The following PADI4 variants were observed in gnomAD, a reference collection of about 807,000 sequenced individuals.
The protein encoded by PADI4 is protein-arginine deiminase type-4.
A neutral mutation model predicts 75.0 loss-of-function variants in PADI4; 62 were observed. The observed-to-expected ratio is 0.83, with a 90% CI of 0.67 to 1.02. The LOEUF is 1.02. PADI4 is among the 50% of genes least tolerant of loss of function. The probability of loss-of-function intolerance (pLI) is 0.00; values close to 1 mark genes in which losing one functional copy is unlikely to be tolerated. For synonymous variants in PADI4, 361 were observed against 348.1 expected (o/e 1.04, Z -0.41); for missense variants, 845 against 850.5 (o/e 0.99, Z 0.08).
chr1:17,355,919 G>T, intron 11 of PADI4, 64 bp from the exon 12 acceptor site: 3 of 1,588,698 alleles, frequency 1.9e-6, no homozygotes, highest in Non-Finnish European at 2.6e-6. Context: ...CAAGCCCCTT[G>T]TCCTTCAGGG....
At chr1:17,333,182 G>A (rs1316196597) in intron 2 of PADI4, among the ~76,000 whole-genome samples, 4 of 152,144 alleles carry the variant, frequency 2.6e-5, no homozygotes, top group Non-Finnish European at 4.4e-5. Context: ...TGGGTGGGAG[G>A]CAGGGAGACC....
In PADI4 at chr1:17,363,753, T is replaced by G. The variant is rs2074881551; in HGVS notation, c.1990T>G (p.Ter664GlyextTer27). 1 of 1,606,104 alleles carries G rather than the reference T, an allele frequency of 6.2e-7. No homozygotes were observed. The highest frequency in any genetic ancestry group is 1.1e-5 in the South Asian group (1 of 90,952). ...FSFKWWNMVP* is the reference protein window; with the variant it reads ...FSFKWWNMVPG ...CTTCAAGTGGTGGAACATGGTGCCC[T>G]GAGCCCATCTTCCCTGGCGTCCTCT... The change falls in exon 16 of 16, where the codon TGA (stop) becomes GGA (glycine). Residue 664 changes from the stop codon to glycine, a stop_lost. Transcript: ENST00000375448.
chr1:17,323,859 C>A (rs74601829), intron 1 of PADI4, among the ~76,000 whole-genome samples: 3,705 of 148,842 alleles, frequency 0.025, 105 homozygotes, highest in African/African-American at 0.068. Flanking sequence ...ACAACAACAA[C>A]AAAAAAAACA....
In PADI4 at chr1:17,328,917, T is replaced by C. The variant is rs144737640; in HGVS notation, c.93-2052T>C. Among the ~76,000 whole-genome samples the C allele has an allele frequency of 3.1e-3, 464 of 151,516 alleles. 3 individuals are homozygous for C. The highest frequency in any genetic ancestry group is 0.011 in the African/African-American group (444 of 41,450). On this transcript the variant is annotated intron_variant, in intron 1 of 15. Coordinates refer to ENST00000375448, the MANE Select transcript of PADI4 (RefSeq NM_012387.3). ...GATACCTCCATCCTAAACTACGCCT[T>C]CAGAAATTGCCTTGGTGAAAATCTG... is the stretch of plus-strand genomic sequence containing the variant.
intron 1 of PADI4, among the ~76,000 whole-genome samples, chr1:17,313,717 G>T (rs1035747292): frequency 2.0e-5 from 3 of 152,046 alleles, no homozygotes; most frequent in African/African-American, 7.2e-5. Context: ...CACCCTCATG[G>T]GGGTGGTTGA....
chr1:17,340,740 G>A (rs1436900064), intron 6 of PADI4, among the ~76,000 whole-genome samples: 2 of 151,298 alleles, frequency 1.3e-5, no homozygotes, highest in African/African-American at 2.4e-5. Flanking sequence ...TTTTTTGCAT[G>A]GGCCTGACAA....
At position 17,336,229 on chromosome 1, in the gene PADI4, A is replaced by G; in HGVS notation, c.408+3A>G. 1 of 1,611,982 alleles carries G rather than the reference A, an allele frequency of 6.2e-7. No individual in the cohort carries two copies. On this transcript the variant is annotated splice_donor_region_variant and intron_variant, in intron 4 of 15. Coordinates refer to ENST00000375448, the MANE Select transcript of PADI4 (RefSeq NM_012387.3). ...CAACCAGAGCTGTGAAAGATCAGGT[A>G]CCACTCACCCAAACGCTCCTTTCCT...
intron 1 of PADI4, among the ~76,000 whole-genome samples, chr1:17,328,555 G>A (rs1378249225): frequency 2.0e-5 from 3 of 151,978 alleles, no homozygotes; most frequent in Admixed American, 6.6e-5. Flanking sequence ...GCTGAGACAT[G>A]AGGATCACTT....
At chr1:17,332,383 A>G (rs1314345337) in intron 2 of PADI4, among the ~76,000 whole-genome samples, 5 of 152,130 alleles carry the variant, frequency 3.3e-5, no homozygotes, top group Non-Finnish European at 7.4e-5. Flanking sequence ...AGTAGCTGGG[A>G]GTACAGGCAC....
Position 17,340,598 on chromosome 1 carries a change from G to A in PADI4, c.652+785G>A, listed in dbSNP as rs111775964. ...GCAGGGAGGCTAGTGCAGCTGGGGC[G>A]GAATGTGCAAGGGTTAAAGTGGGGG... On this transcript the variant is annotated intron_variant, in intron 6 of 15. Transcript: ENST00000375448. Among the ~76,000 whole-genome samples the A allele has an allele frequency of 4.1e-3, 631 of 152,064 alleles. 5 individuals carry two copies. The highest frequency in any genetic ancestry group is 0.014 in the African/African-American group (591 of 41,454).
Position 17,338,072 on chromosome 1 carries a change from C to T in PADI4, c.443C>T (p.Ala148Val), listed in dbSNP as rs1186727610. 1 of 1,613,346 alleles carries T rather than the reference C, an allele frequency of 6.2e-7. No homozygotes were observed. The highest frequency in any genetic ancestry group is 8.5e-7 in the Non-Finnish European group (1 of 1,179,406). ...TWTWGPCGQGAILLVNCDRDN... is the reference protein window; with the variant it reads ...TWTWGPCGQGVILLVNCDRDN... ...ACCTGGGGCCCTTGTGGACAGGGTGCCATCCTGCTGGTGAACTGTGACAGA... is the reference window on the plus strand; with the variant it reads ...ACCTGGGGCCCTTGTGGACAGGGTGTCATCCTGCTGGTGAACTGTGACAGA... The change falls in exon 5 of 16, where the codon GCC (alanine) becomes GTC (valine). Residue 148 changes from alanine to valine, a missense_variant. Physicochemically the swap from Ala to Val is moderately conservative, Grantham distance 64. Coordinates refer to ENST00000375448, the MANE Select transcript of PADI4 (RefSeq NM_012387.3).
At chr1:17,358,125 G>T (rs1181553423) in intron 13 of PADI4, among the ~76,000 whole-genome samples, 1 of 151,630 alleles carries the variant, frequency 6.6e-6, no homozygotes, top group African/African-American at 2.4e-5. Context: ...GTGCGCACCT[G>T]TAATCCCAGC....
chr1:17,326,722 C>G (rs1199190867), intron 1 of PADI4, among the ~76,000 whole-genome samples: 2 of 152,026 alleles, frequency 1.3e-5, no homozygotes, highest in Non-Finnish European at 2.9e-5. Flanking sequence ...ATACACAATT[C>G]TATATATATC....
At chr1:17,322,225 T>C (rs2074041624) in intron 1 of PADI4, among the ~76,000 whole-genome samples, 1 of 152,218 alleles carries the variant, frequency 6.6e-6, no homozygotes, top group Non-Finnish European at 1.5e-5. Context: ...TGGTGGCTCA[T>C]GCCTGTAATC....
intron 1 of PADI4, among the ~76,000 whole-genome samples, chr1:17,329,339 A>G (rs116519369): frequency 2.2e-4 from 34 of 151,374 alleles, no homozygotes; most frequent in East Asian, 1.4e-3. Context: ...AAAAAAAAAA[A>G]TAGTAAATCT....
At chr1:17,313,083 G>A (rs985475256) in intron 1 of PADI4, among the ~76,000 whole-genome samples, 7 of 151,972 alleles carry the variant, frequency 4.6e-5, no homozygotes, top group East Asian at 1.9e-4. Flanking sequence ...CCAGCTACTC[G>A]CGAGGGTGAG....
At chr1:17,354,792 C>T in intron 11 of PADI4, 105 bp downstream of exon 11, 1 of 1,085,660 alleles carries the variant, frequency 9.2e-7, no homozygotes, top group Non-Finnish European at 1.3e-6. Context: ...TTCTAGACAG[C>T]CCAACAGACT....
At chr1:17,349,964 C>G (rs949800119) in intron 10 of PADI4, among the ~76,000 whole-genome samples, 2 of 123,112 alleles carry the variant, frequency 1.6e-5, no homozygotes, top group Non-Finnish European at 3.6e-5. Context: ...CAGTGCTGTT[C>G]CCTGTTCACG....
Position 17,330,095 on chromosome 1 carries a change from C to T in PADI4, c.93-874C>T, listed in dbSNP as rs149733260. Among the ~76,000 whole-genome samples the T allele has an allele frequency of 7.6e-4, 115 of 152,296 alleles. 1 individual carries two copies. Among genetic ancestry groups the T allele is most frequent in the African/African-American group, 2.6e-3 (109 of 41,564 alleles). On this transcript the variant is annotated intron_variant, in intron 1 of 15. Coordinates refer to ENST00000375448, the MANE Select transcript of PADI4 (RefSeq NM_012387.3). ...GCACAATCCTGCGTGTGCACAGTGG[C>T]GTGGTGGAAACCTCTGGGTGGACAC...
Sources: allele counts gnomAD v4.1 joint callset (sites outside exome capture counted in the v4.1 genomes callset), GRCh38; gene constraint gnomAD v4.1.1; transcripts MANE v1.5; gene names NCBI Gene and HGNC (gene_info 2026-07-23, HGNC 2026-07-21).